The following LRP1B variants were observed in gnomAD, a reference collection of about 807,000 sequenced individuals.
LRP1B encodes the protein LDL receptor related protein 1B.
A neutral mutation model predicts 556.6 loss-of-function variants in LRP1B; 217 were observed. The observed-to-expected ratio is 0.39, with a 90% CI of 0.35 to 0.44. The LOEUF (loss-of-function observed/expected upper bound fraction) is 0.44, where lower values mean the gene tolerates loss of function less well. Ranked by LOEUF, LRP1B falls within the 20% of genes least tolerant of loss-of-function variation. The pLI is 1.00. For missense variants in LRP1B, 5,053 were observed against 5,620.8 expected (o/e 0.90, Z 3.23); for synonymous variants, 2,047 against 1,865.8 (o/e 1.10, Z -2.50).
At position 140,487,996 on chromosome 2, in the gene LRP1B, T is replaced by C. The variant is rs765369149; in HGVS notation, c.9121-257A>G. Among the ~76,000 whole-genome samples the C allele has an allele frequency of 4.9e-4, 75 of 152,042 alleles. 1 individual carries two copies. Among genetic ancestry groups the C allele is most frequent in the Non-Finnish European group, 2.8e-4 (19 of 67,922 alleles). On this transcript the variant is annotated intron_variant, in intron 57 of 90. Transcript: ENST00000389484. ...AATTTCAAAATATTTACAATGGTTT[T>C]AAATAAATAGCCAGTAACGTGAAAA... is the stretch of plus-strand genomic sequence containing the variant.
intron 47 of LRP1B, among the ~76,000 whole-genome samples, chr2:140,531,495 A>G (rs1690690172): frequency 6.6e-6 from 1 of 152,156 alleles, no homozygotes; most frequent in Admixed American, 6.6e-5. Context: ...TAATCTATGC[A>G]AGTGTTTCCC....
chr2:140,333,854 G>A (rs539342695), intron 79 of LRP1B, among the ~76,000 whole-genome samples: 4 of 152,018 alleles, frequency 2.6e-5, no homozygotes, highest in South Asian at 4.1e-4. Flanking sequence ...GAGAAAAATG[G>A]CATGGGAGAA....
chr2:140,605,809 C>T (rs1206759713), intron 41 of LRP1B, among the ~76,000 whole-genome samples: 3 of 151,910 alleles, frequency 2.0e-5, no homozygotes, highest in Non-Finnish European at 4.4e-5. Context: ...ATTCAATAAC[C>T]TTTCATTATA....
chr2:141,820,088 A>G (rs1696704796), intron 1 of LRP1B, among the ~76,000 whole-genome samples: 2 of 152,188 alleles, frequency 1.3e-5, no homozygotes, highest in Admixed American at 1.3e-4. Flanking sequence ...AATAGTAAGG[A>G]TTATACTATA....
intron 2 of LRP1B, among the ~76,000 whole-genome samples, chr2:141,610,493 T>G (rs1006976992): frequency 6.6e-5 from 10 of 152,064 alleles, no homozygotes; most frequent in African/African-American, 2.4e-4. Context: ...CTCTCTGACC[T>G]CTTTTCCTGA....
intron 42 of LRP1B, among the ~76,000 whole-genome samples, chr2:140,600,989 T>C (rs1040854753): frequency 6.6e-5 from 10 of 151,610 alleles, no homozygotes; most frequent in African/African-American, 2.2e-4. Context: ...TGCTGAAAAA[T>C]AGCTGCACAC....
chr2:141,988,492 C>A (rs2105110277), intron 1 of LRP1B, among the ~76,000 whole-genome samples: 1 of 151,990 alleles, frequency 6.6e-6, no homozygotes, highest in South Asian at 2.1e-4. Context: ...TATCCAGTGG[C>A]AATATTGAAG....
At chr2:140,395,685 A>G (rs1020496318) in intron 66 of LRP1B, among the ~76,000 whole-genome samples, 1 of 152,210 alleles carries the variant, frequency 6.6e-6, no homozygotes, top group African/African-American at 2.4e-5. Context: ...CAAATTGCCA[A>G]TGACATATTT....
chr2:140,529,648 AT>A lies in LRP1B; in HGVS notation c.7763-3299del, dbSNP rs377203363. 3.0e-4 allele frequency among the ~76,000 whole-genome samples: 45 copies of A among 152,118 alleles called. No homozygotes were observed. In the East Asian group the frequency reaches 8.7e-3, roughly 29 times the overall value. On this transcript the variant is annotated intron_variant, in intron 47 of 90. Transcript: ENST00000389484. ...TTGCTATGAACTTAGGAAAAAACAA[AT>A]GCCAGTTTCCTCTCCTTTAGGGAGG... is the stretch of plus-strand genomic sequence containing the variant.
At chr2:141,449,463 A>G (rs1283441402) in intron 3 of LRP1B, among the ~76,000 whole-genome samples, 2 of 152,110 alleles carry the variant, frequency 1.3e-5, no homozygotes, top group Non-Finnish European at 2.9e-5. Context: ...TATATTTCAG[A>G]TTTTTTACAT....
chr2:141,242,546 T>C (rs1454178510), intron 5 of LRP1B, among the ~76,000 whole-genome samples: 3 of 152,040 alleles, frequency 2.0e-5, no homozygotes, highest in Non-Finnish European at 4.4e-5. Context: ...GTCTTCTGTT[T>C]GTTTTTTTCT....
intron 1 of LRP1B, among the ~76,000 whole-genome samples, chr2:141,926,416 C>G (rs1341001877): frequency 6.6e-6 from 1 of 152,088 alleles, no homozygotes; most frequent in East Asian, 1.9e-4. Context: ...ATGAGCACAG[C>G]GCTTAGAAAC....
At chr2:140,864,227 T>G (rs1169418295) in intron 27 of LRP1B, among the ~76,000 whole-genome samples, 3 of 151,952 alleles carry the variant, frequency 2.0e-5, no homozygotes, top group Non-Finnish European at 4.4e-5. Flanking sequence ...ACTCTATAGT[T>G]GACACAAAGA....
intron 3 of LRP1B, among the ~76,000 whole-genome samples, chr2:141,421,275 T>A (rs538912740): frequency 2.0e-5 from 3 of 152,276 alleles, no homozygotes; most frequent in Non-Finnish European, 4.4e-5. Flanking sequence ...ACGCCTGTAA[T>A]CCCAGCACTT....
chr2:140,736,584 A>G (rs1426651201), intron 35 of LRP1B, among the ~76,000 whole-genome samples: 1 of 152,112 alleles, frequency 6.6e-6, no homozygotes, highest in African/African-American at 2.4e-5. Flanking sequence ...CACATCTACA[A>G]CCATCTGATC....
intron 59 of LRP1B, 92 bp downstream of exon 59, chr2:140,485,251 G>A (rs976186569): frequency 1.1e-6 from 1 of 903,388 alleles, no homozygotes; most frequent in Non-Finnish European, 1.6e-6. Context: ...ACGTTACATT[G>A]GATTTCCATG....
rs1682429443 is a variant in LRP1B, at chr2:141,470,727, T to C, written c.343+9669A>G. Among the ~76,000 whole-genome samples the C allele has an allele frequency of 3.3e-5, 5 of 152,140 alleles. 1 individual carries two copies. The South Asian group carries it at 1.0e-3, about 32-fold the overall frequency. On this transcript the variant is annotated intron_variant, in intron 3 of 90. Coordinates refer to ENST00000389484, the MANE Select transcript of LRP1B (RefSeq NM_018557.3). ...CAAGCTGCTGTGTCAAAAAACCAAATAATGAATCATACGGGATTTGGCCTC... is the reference window on the plus strand; with the variant it reads ...CAAGCTGCTGTGTCAAAAAACCAAACAATGAATCATACGGGATTTGGCCTC...
At chr2:141,271,406 C>T (rs1685084704) in intron 3 of LRP1B, among the ~76,000 whole-genome samples, 1 of 148,642 alleles carries the variant, frequency 6.7e-6, no homozygotes. Flanking sequence ...TCAACAATGT[C>T]CAAGTAGGAT....
intron 24 of LRP1B, 37 bp from the exon 25 acceptor site, chr2:140,884,058 A>G (rs1348162744): frequency 2.1e-5 from 33 of 1,586,664 alleles, no homozygotes; most frequent in Non-Finnish European, 2.8e-5. Flanking sequence ...GCACCCATTC[A>G]AGGATTGTGT....
Sources: allele counts gnomAD v4.1 joint callset (sites outside exome capture counted in the v4.1 genomes callset), GRCh38; gene constraint gnomAD v4.1.1; transcripts MANE v1.5; gene names NCBI Gene and HGNC (gene_info 2026-07-23, HGNC 2026-07-21).